NEURL1: variants seen among roughly 807,000 people sequenced by gnomAD.
NEURL1 encodes the protein neuralized E3 ubiquitin protein ligase 1.
Under a neutral mutation model 41.2 loss-of-function variants are expected in NEURL1, and 26 were observed. The observed-to-expected ratio is 0.63, with a 90% CI of 0.46 to 0.87. The LOEUF (loss-of-function observed/expected upper bound fraction) is 0.87, where lower values mean the gene tolerates loss of function less well. Ranked by LOEUF, NEURL1 falls within the 40% of genes least tolerant of loss-of-function variation. NEURL1 has a pLI of 0.00. For synonymous variants in NEURL1, 400 were observed against 402.3 expected (o/e 0.99, Z 0.07); for missense variants, 761 against 871.1 (o/e 0.87, Z 1.59).
Position 103,494,292 on chromosome 10 carries a change from G to C in NEURL1, c.-96G>C. 1 of 1,001,336 alleles carries C rather than the reference G, an allele frequency of 1.0e-6. No individual in the cohort carries two copies. The highest frequency in any genetic ancestry group is 1.7e-5 in the South Asian group (1 of 60,186). 62.0% of individuals were successfully genotyped at this position (1,001,336 alleles called of 1,614,324 possible). A position where few individuals can be genotyped will look rare whatever the true frequency, so the allele number is the denominator to read the frequency against. On this transcript the variant is annotated 5_prime_UTR_variant, in exon 1 of 6. Coordinates refer to ENST00000369780, the MANE Select transcript of NEURL1 (RefSeq NM_004210.5). ...GCCCCAGCAGGGCCCTCCCCCGGTGGCGCGCACCCGCGCGCGCACACTCGC... is the reference window on the plus strand; with the variant it reads ...GCCCCAGCAGGGCCCTCCCCCGGTGCCGCGCACCCGCGCGCGCACACTCGC...
rs901429935 is a variant in NEURL1 at position 103,556,521 on chromosome 10, G to A, written c.86-14351G>A. Among the ~76,000 whole-genome samples, 2 of 152,150 alleles carry A rather than the reference G, an allele frequency of 1.3e-5. No individual in the cohort carries two copies. The highest frequency in any genetic ancestry group is 6.5e-5 in the Admixed American group (1 of 15,272). On this transcript the variant is annotated intron_variant, in intron 1 of 5. Transcript: ENST00000369780. The surrounding 1 kb of genome is among the most constrained non-coding windows in gnomAD (Gnocchi z 4.4). ...AAGGAAGGAGGGTGGTGGCAGGAGC[G>A]CATGGGCAGCCGCAGCCGGAACTGG...
chr10:103,546,590 G>A (rs1376897544), intron 1 of NEURL1, among the ~76,000 whole-genome samples: 1 of 152,218 alleles, frequency 6.6e-6, no homozygotes, highest in African/African-American at 2.4e-5. Flanking sequence ...TGTGACCTGG[G>A]CAAAGTATTC....
Position 103,508,187 on chromosome 10 carries a change from A to G in NEURL1, c.85+13715A>G, listed in dbSNP as rs2033991012. ...GCCCCTGGGCTTGGGGACTTCTCAC[A>G]GGGTCAGGTCCCTCGAATTTGAAAA... On this transcript the variant is annotated intron_variant, in intron 1 of 5. Transcript: ENST00000369780. This position sits in a 1 kb window ranked among gnomAD's most constrained non-coding sequence, Gnocchi z 4.3. Among the ~76,000 whole-genome samples, 1 of 152,210 alleles carries G rather than the reference A, an allele frequency of 6.6e-6. No homozygotes were observed. Among genetic ancestry groups the G allele is most frequent in the Non-Finnish European group, 1.5e-5 (1 of 68,030 alleles).
intron 1 of NEURL1, among the ~76,000 whole-genome samples, chr10:103,564,749 A>G (rs1231115806): frequency 6.6e-6 from 1 of 152,194 alleles, no homozygotes; most frequent in Non-Finnish European, 1.5e-5. Context: ...ACCCTGTTAC[A>G]TAGTGTAGGG....
intron 1 of NEURL1, among the ~76,000 whole-genome samples, chr10:103,524,488 G>A (rs2034421085): frequency 2.0e-5 from 3 of 152,074 alleles, no homozygotes; most frequent in African/African-American, 7.2e-5. Flanking sequence ...TGTTGCCCGT[G>A]CTTTGAGGTT....
At position 103,494,483 on chromosome 10, in the gene NEURL1, C is replaced by A; in HGVS notation, c.85+11C>A. 6.5e-7 allele frequency: 1 copy of A among 1,544,766 alleles called. No individual in the cohort carries two copies. The highest frequency in any genetic ancestry group is 2.5e-5 in the East Asian group (1 of 39,328). The stretch of plus-strand genomic sequence containing the variant: ...CCCAGAACCTCAAAGGTAGGCTCCC[C>A]GGCCGAGCGCTGCTGGAGGACTGGG... On this transcript the variant is annotated intron_variant, in intron 1 of 5. Coordinates refer to ENST00000369780, the MANE Select transcript of NEURL1 (RefSeq NM_004210.5).
intron 1 of NEURL1, among the ~76,000 whole-genome samples, chr10:103,544,191 C>T (rs900230787): frequency 6.6e-6 from 1 of 152,130 alleles, no homozygotes; most frequent in African/African-American, 2.4e-5. Context: ...TTGAGAAGGA[C>T]ACGGTGACCT....
chr10:103,544,010 G>A (rs561508455), intron 1 of NEURL1, among the ~76,000 whole-genome samples: 6 of 152,306 alleles, frequency 3.9e-5, no homozygotes, highest in Admixed American at 2.0e-4. Context: ...AGTGGGGGTC[G>A]AGTTTATCCT....
Position 103,591,694 on chromosome 10 carries a change from G to GT in NEURL1, c.*1323dup, listed in dbSNP as rs994043742. On this transcript the variant is annotated 3_prime_UTR_variant, in exon 6 of 6. Coordinates refer to ENST00000369780, the MANE Select transcript of NEURL1 (RefSeq NM_004210.5). ...CCTCCTTAGTGCCCTGGGGCTGATGGTCACCCAGAGCCATAGAGCACCCTT... is the reference window on the plus strand; with the variant it reads ...CCTCCTTAGTGCCCTGGGGCTGATGGTTCACCCAGAGCCATAGAGCACCCTT... 5 of 152,212 alleles carry GT rather than the reference G, an allele frequency of 3.3e-5. No individual in the cohort carries two copies. Among genetic ancestry groups the GT allele is most frequent in the African/African-American group, 1.2e-4 (5 of 41,426 alleles). 9.4% of individuals were successfully genotyped at this position (152,212 alleles called of 1,614,324 possible). A position where few individuals can be genotyped will look rare whatever the true frequency, so the allele number is the denominator to read the frequency against.
chr10:103,527,551 T>C (rs1055290367), intron 1 of NEURL1, among the ~76,000 whole-genome samples: 1 of 152,108 alleles, frequency 6.6e-6, no homozygotes, highest in African/African-American at 2.4e-5. Context: ...CACCTTGGCC[T>C]CCCAAAGTGC....
At chr10:103,540,298 T>TA (rs1554892609) in intron 1 of NEURL1, among the ~76,000 whole-genome samples, 5 of 151,728 alleles carry the variant, frequency 3.3e-5, no homozygotes, top group Non-Finnish European at 7.4e-5. Flanking sequence ...ACTTTTTTTT[T>TA]AAATTTTTTG....
At chr10:103,496,024 C>T (rs1369505807) in intron 1 of NEURL1, among the ~76,000 whole-genome samples, 2 of 151,992 alleles carry the variant, frequency 1.3e-5, no homozygotes, top group African/African-American at 4.8e-5. Context: ...GCAGGAGAAT[C>T]CCTTGAATCT....
At chr10:103,575,745 C>T (rs753980861) in intron 3 of NEURL1, among the ~76,000 whole-genome samples, 4 of 152,256 alleles carry the variant, frequency 2.6e-5, no homozygotes, top group African/African-American at 7.2e-5. Context: ...CTGCAGATCA[C>T]CTCTTTCTTT....
chr10:103,589,667 A>G lies in NEURL1; in HGVS notation c.1486+7A>G, dbSNP rs752330899. 1 of 1,605,298 alleles carries G rather than the reference A, an allele frequency of 6.2e-7. No individual in the cohort carries two copies. The highest frequency in any genetic ancestry group is 8.5e-7 in the Non-Finnish European group (1 of 1,174,554). ...CTGGGTAGCTCTGCTGGTGGTAAGT[A>G]GGCTGGCTCCTCTGTTCCTTGGTGA... On this transcript the variant is annotated splice_region_variant and intron_variant, in intron 5 of 5. Transcript: ENST00000369780.
chr10:103,580,955 A>G (rs1225620132), intron 3 of NEURL1, among the ~76,000 whole-genome samples: 1 of 152,100 alleles, frequency 6.6e-6, no homozygotes, highest in African/African-American at 2.4e-5. Context: ...TTCAATGAGT[A>G]TTTCCTGGGT....
chr10:103,516,985 TCTTC>T (rs2034226112), intron 1 of NEURL1, among the ~76,000 whole-genome samples: 1 of 150,392 alleles, frequency 6.6e-6, no homozygotes, highest in Admixed American at 6.6e-5. Flanking sequence ...TCCCTTCCTT[TCTTC>T]CTTCCTTCCC....
At chr10:103,573,823 C>T (rs2035599041) in intron 3 of NEURL1, among the ~76,000 whole-genome samples, 1 of 152,224 alleles carries the variant, frequency 6.6e-6, no homozygotes, top group Non-Finnish European at 1.5e-5. Context: ...ACAGTCCCCA[C>T]TCTGGCTTCA....
At chr10:103,549,325 G>A (rs2034988021) in intron 1 of NEURL1, among the ~76,000 whole-genome samples, 1 of 152,178 alleles carries the variant, frequency 6.6e-6, no homozygotes, top group Non-Finnish European at 1.5e-5. Flanking sequence ...TGTCACGGCT[G>A]GGGCACCTGT....
chr10:103,561,277 T>C (rs961093246), intron 1 of NEURL1, among the ~76,000 whole-genome samples: 7 of 151,092 alleles, frequency 4.6e-5, no homozygotes, highest in Non-Finnish European at 8.9e-5. Flanking sequence ...TTTTTTTTTT[T>C]CGAGACAGAG....
Sources: gnomAD v4.1 joint callset for allele counts (sites outside exome capture counted in the v4.1 genomes callset) on GRCh38, gnomAD v4.1.1 for gene constraint, Gnocchi (gnomAD v3.1) non-coding constraint, MANE v1.5 for transcripts, NCBI Gene and HGNC (gene_info 2026-07-23, HGNC 2026-07-21) for gene names.